Variants in MTREX observed in about 807,000 individuals in gnomAD.
The protein encoded by MTREX is exosome RNA helicase MTR4.
A neutral mutation model predicts 135.4 loss-of-function variants in MTREX; 76 were observed. The ratio of observed to expected loss-of-function variants is 0.56; its 90% CI spans 0.47 to 0.68. The LOEUF is 0.68. MTREX is among the 30% of genes least tolerant of loss of function. The pLI is 0.00. For synonymous variants in MTREX, 404 were observed against 401.6 expected, an observed-to-expected ratio of 1.01 and a Z score of -0.07; for missense variants, 920 against 1,262.1, an observed-to-expected ratio of 0.73 and a Z score of 4.11.
chr5:55,330,625 T>TA (rs1561188414), intron 5 of MTREX, among the ~76,000 whole-genome samples: 1 of 151,984 alleles, frequency 6.6e-6, no homozygotes. Context: ...ATTTTTTTTT[T>TA]AGTCACTGAC....
intron 19 of MTREX, among the ~76,000 whole-genome samples, chr5:55,391,029 CT>C (rs780498994): frequency 6.0e-4 from 91 of 152,256 alleles, no homozygotes; most frequent in Non-Finnish European, 1.1e-3. Context: ...ATAGGTCATA[CT>C]TTATTAATTT....
chr5:55,336,338 G>A (rs145680306), intron 5 of MTREX, among the ~76,000 whole-genome samples: 7 of 152,200 alleles, frequency 4.6e-5, no homozygotes, highest in East Asian at 1.9e-4. Context: ...TAAGTATGAC[G>A]TTAGCTGTTT....
intron 2 of MTREX, among the ~76,000 whole-genome samples, chr5:55,323,536 C>T (rs1749323116): frequency 6.6e-6 from 1 of 152,058 alleles, no homozygotes; most frequent in South Asian, 2.1e-4. Flanking sequence ...GATTCTCCTG[C>T]CTCAATGTCT....
intron 6 of MTREX, among the ~76,000 whole-genome samples, chr5:55,340,871 C>T (rs1186004321): frequency 2.0e-5 from 3 of 152,078 alleles, no homozygotes; most frequent in East Asian, 1.9e-4. Flanking sequence ...GTGAGCCAAC[C>T]GCACCCAGCC....
At chr5:55,338,882 C>T (rs1344497282) in intron 5 of MTREX, among the ~76,000 whole-genome samples, 1 of 150,780 alleles carries the variant, frequency 6.6e-6, no homozygotes, top group East Asian at 1.9e-4. Flanking sequence ...CCTCCACCTC[C>T]TGGATTCAAG....
chr5:55,359,951 T>C (rs1001446294), intron 15 of MTREX, among the ~76,000 whole-genome samples: 1 of 152,220 alleles, frequency 6.6e-6, no homozygotes, highest in Non-Finnish European at 1.5e-5. Context: ...TATTGAGCTA[T>C]AATTCACATA....
chr5:55,309,403 G>C (rs1455517364), intron 1 of MTREX, among the ~76,000 whole-genome samples: 1 of 152,152 alleles, frequency 6.6e-6, no homozygotes, highest in Non-Finnish European at 1.5e-5. Context: ...AAGATAGACA[G>C]TGAGAAAGTA....
intron 20 of MTREX, 119 bp downstream of exon 20, chr5:55,397,645 A>G: frequency 1.9e-6 from 1 of 521,806 alleles, no homozygotes; most frequent in Non-Finnish European, 3.3e-6. Context: ...TATAAATACT[A>G]CCAATAGTGA....
intron 5 of MTREX, among the ~76,000 whole-genome samples, chr5:55,339,798 A>T (rs978626168): frequency 1.3e-4 from 20 of 152,222 alleles, no homozygotes; most frequent in Admixed American, 3.3e-4. Context: ...AAGTTGCATT[A>T]ACTCTGAGTG....
At chr5:55,342,866 A>G (rs1252188612) in intron 7 of MTREX, among the ~76,000 whole-genome samples, 1 of 152,230 alleles carries the variant, frequency 6.6e-6, no homozygotes, top group Non-Finnish European at 1.5e-5. Flanking sequence ...TTAATAAAAA[A>G]TGACTTACGG....
At chr5:55,323,029 C>T (rs1186804513) in intron 2 of MTREX, among the ~76,000 whole-genome samples, 1 of 152,116 alleles carries the variant, frequency 6.6e-6, no homozygotes, top group Non-Finnish European at 1.5e-5. Flanking sequence ...TTGCTCCTCC[C>T]TTCTAATGTT....
intron 18 of MTREX, among the ~76,000 whole-genome samples, chr5:55,380,821 A>G (rs1010799065): frequency 6.6e-6 from 1 of 152,038 alleles, no homozygotes; most frequent in South Asian, 2.1e-4. Flanking sequence ...GGCCTCATAG[A>G]ATGAGTTAGG....
intron 1 of MTREX, among the ~76,000 whole-genome samples, chr5:55,314,860 C>A (rs532331342): frequency 6.6e-6 from 1 of 152,152 alleles, no homozygotes; most frequent in African/African-American, 2.4e-5. Flanking sequence ...AGTGCACAAC[C>A]TAAATTCTTC....
chr5:55,357,599 A>G (rs1454232183), intron 14 of MTREX: 3 of 152,464 alleles, frequency 2.0e-5, no homozygotes, highest in Non-Finnish European at 4.4e-5. Flanking sequence ...TCTATACCTC[A>G]TACAGGCAGT....
At chr5:55,378,168 AAC>A (rs1438045449) in intron 16 of MTREX, 144 bp from the exon 17 acceptor site, 7 of 884,584 alleles carry the variant, frequency 7.9e-6, no homozygotes, top group Non-Finnish European at 1.1e-5. Flanking sequence ...TGGATAGATG[AAC>A]ACATAGAGAC....
chr5:55,425,407 A>T lies in MTREX; in HGVS notation c.*635A>T. On this transcript the variant is annotated 3_prime_UTR_variant, in exon 27 of 27. Coordinates refer to ENST00000230640, the MANE Select transcript of MTREX (RefSeq NM_015360.5). Reference sequence around the variant, plus strand: ...TACATACAAAGTTGTGATCAACAGCATCCTAAGATAAATATAAACAAAAGG... The same window carrying T: ...TACATACAAAGTTGTGATCAACAGCTTCCTAAGATAAATATAAACAAAAGG... 7.5e-7 allele frequency: 1 copy of T among 1,339,196 alleles called. No individual in the cohort carries two copies. Among genetic ancestry groups the T allele is most frequent in the Non-Finnish European group, 1.0e-6 (1 of 970,630 alleles). 83.0% of individuals were successfully genotyped at this position (1,339,196 alleles called of 1,614,324 possible).
intron 21 of MTREX, among the ~76,000 whole-genome samples, chr5:55,403,599 C>T (rs1393782921): frequency 5.9e-5 from 9 of 152,296 alleles, no homozygotes; most frequent in Non-Finnish European, 1.2e-4. Context: ...GTTATTAGCA[C>T]GATGCTTTGC....
At chr5:55,315,354 G>A (rs562360854) in intron 1 of MTREX, among the ~76,000 whole-genome samples, 2 of 152,112 alleles carry the variant, frequency 1.3e-5, no homozygotes, top group African/African-American at 2.4e-5. Flanking sequence ...CACGTTTGTC[G>A]TTCTTGTTGC....
intron 15 of MTREX, among the ~76,000 whole-genome samples, chr5:55,363,436 A>G (rs1472646024): frequency 2.0e-5 from 3 of 151,636 alleles, no homozygotes; most frequent in African/African-American, 7.3e-5. Context: ...CTTTTCAGTA[A>G]GCAAATTGGC....
Sources: allele counts gnomAD v4.1 joint callset (sites outside exome capture counted in the v4.1 genomes callset), GRCh38; gene constraint gnomAD v4.1.1; transcripts MANE v1.5; gene names NCBI Gene and HGNC (gene_info 2026-07-23, HGNC 2026-07-21).